The following NSD1 variants were observed in gnomAD, a reference collection of about 807,000 sequenced individuals.
The protein encoded by NSD1 is nuclear receptor binding SET domain protein 1.
NSD1 carries 26 observed loss-of-function variants against 242.7 expected under a neutral mutation model. The ratio of observed to expected loss-of-function variants is 0.11; its 90% CI spans 0.08 to 0.15. The LOEUF (loss-of-function observed/expected upper bound fraction) is 0.15, where lower values mean the gene tolerates loss of function less well. NSD1 is among the 10% of genes least tolerant of loss of function. The pLI, the probability that NSD1 is intolerant of heterozygous loss-of-function variation, is 1.00. For missense variants in NSD1, 2,495 were observed against 3,272.8 expected (o/e 0.76, Z 5.80); for synonymous variants, 1,106 against 1,178.1 (o/e 0.94, Z 1.25).
chr5:177,262,949 G>T (rs1757109453), intron 14 of NSD1, among the ~76,000 whole-genome samples: 1 of 152,208 alleles, frequency 6.6e-6, no homozygotes, highest in Admixed American at 6.5e-5. Flanking sequence ...CACTGAGCCA[G>T]ATTAAATTGT....
chr5:177,277,659 A>G (rs184620148), intron 17 of NSD1, among the ~76,000 whole-genome samples: 71 of 152,312 alleles, frequency 4.7e-4, no homozygotes, highest in African/African-American at 1.6e-3. Context: ...TGATTAAAAC[A>G]TATATTTTCC....
intron 16 of NSD1, among the ~76,000 whole-genome samples, 194 bp downstream of exon 16, chr5:177,270,001 T>C (rs1419920170): frequency 6.6e-6 from 1 of 152,244 alleles, no homozygotes; most frequent in Non-Finnish European, 1.5e-5. Flanking sequence ...AACCTTTACT[T>C]AATTTGAATT....
rs1755974999 is a variant in NSD1, at chr5:177,251,604, C to G, written c.4642-126C>G. ...TAGACTAAAATCTACAACTACGGGC[C>G]CTTGCCTCTTTCTCACCTCCTTTTC... On this transcript the variant is annotated intron_variant, in intron 11 of 22. Transcript: ENST00000439151. 3 of 884,938 alleles carry G rather than the reference C, an allele frequency of 3.4e-6. No homozygotes were observed. The Admixed American group carries it at 6.3e-5, about 19-fold the overall frequency. The allele number at this position is 884,938 out of a possible 1,614,324, so 54.8% of individuals were successfully genotyped here.
intron 2 of NSD1, among the ~76,000 whole-genome samples, chr5:177,141,127 A>G (rs545935562): frequency 2.0e-5 from 3 of 151,716 alleles, no homozygotes; most frequent in Admixed American, 6.6e-5. Context: ...GGTTCAAGCA[A>G]TTCTCTGCCT....
At position 177,133,864 on chromosome 5, in the gene NSD1, C is replaced by T. The variant is rs1756054575; in HGVS notation, c.-106C>T. The T allele has an allele frequency of 6.6e-6, 1 of 150,948 alleles. No individual in the cohort carries two copies. Among genetic ancestry groups the T allele is most frequent in the Admixed American group, 6.6e-5 (1 of 15,214 alleles). 9.4% of individuals were successfully genotyped at this position (150,948 alleles called of 1,614,324 possible). A position where few individuals can be genotyped will look rare whatever the true frequency, so the allele number is the denominator to read the frequency against. On this transcript the variant is annotated 5_prime_UTR_variant, in exon 1 of 23. Coordinates refer to ENST00000439151, the MANE Select transcript of NSD1 (RefSeq NM_022455.5). The surrounding 1 kb of genome is among the most constrained non-coding windows in gnomAD (Gnocchi z 6.2). ...GGGGAGGGGGGTGCGGCGAGCGGCC[C>T]CGCTCTCTCCCCACCGCTCCGCTCG...
chr5:177,292,009 G>A lies in NSD1; in HGVS notation c.6314G>A (p.Gly2105Glu), dbSNP rs1759874616. The A allele has an allele frequency of 1.2e-6, 2 of 1,614,078 alleles. No homozygotes were observed. The highest frequency in any genetic ancestry group is 1.3e-5 in the African/African-American group (1 of 75,054). ...AAGAAATTCAAGAAGAAGCAACAGG[G>A]AAAGCGCAGGACCCAGGGTGAAATC... ...KSKKFKKKQQGKRRTQGEITK... is the reference protein window; with the variant it reads ...KSKKFKKKQQEKRRTQGEITK... The change falls in exon 22 of 23, where the codon GGA becomes GAA. Residue 2105 changes from glycine to glutamate, a missense_variant. Coordinates refer to ENST00000439151, the MANE Select transcript of NSD1 (RefSeq NM_022455.5).
chr5:177,298,378 G>T lies in NSD1; in HGVS notation c.*2919G>T, dbSNP rs1760381745. ...AAGGCAAAAGTTGAAATTCTCCATG[G>T]GTAGCTAGAAAGCCAATACATCTAG... is the stretch of plus-strand genomic sequence containing the variant. On this transcript the variant is annotated 3_prime_UTR_variant, in exon 23 of 23. Transcript: ENST00000439151. The T allele has an allele frequency of 4.3e-6, 1 of 233,166 alleles. No homozygotes were observed. Among genetic ancestry groups the T allele is most frequent in the Non-Finnish European group, 8.5e-6 (1 of 118,004 alleles). The allele number at this position is 233,166 out of a possible 1,614,324, so 14.4% of individuals were successfully genotyped here.
intron 2 of NSD1, among the ~76,000 whole-genome samples, chr5:177,143,309 CTT>C (rs1756971939): frequency 2.0e-5 from 3 of 151,920 alleles, no homozygotes; most frequent in African/African-American, 7.2e-5. Context: ...AACTTTCACT[CTT>C]TTAATTAAGG....
At chr5:177,199,461 T>A (rs1465156488) in intron 3 of NSD1, among the ~76,000 whole-genome samples, 1 of 152,210 alleles carries the variant, frequency 6.6e-6, no homozygotes, top group Non-Finnish European at 1.5e-5. Context: ...CTCCCTGTAT[T>A]GCCCATGCTT....
intron 2 of NSD1, among the ~76,000 whole-genome samples, chr5:177,175,882 T>C (rs1760153950): frequency 6.6e-6 from 1 of 151,646 alleles, no homozygotes; most frequent in South Asian, 2.1e-4. Context: ...AAAAATTCTT[T>C]TTTTTTTTTT....
At chr5:177,132,494 G>A, upstream of NSD1, among the ~76,000 whole-genome samples, 1 of 151,888 alleles carries the variant, frequency 6.6e-6, no homozygotes, top group East Asian at 1.9e-4. This position sits in a 1 kb window ranked among gnomAD's most constrained non-coding sequence, Gnocchi z 7.5. Context: ...CCCTCCCCCG[G>A]CGTTCCCCTC....
chr5:177,165,864 C>G (rs1378008170), intron 2 of NSD1, among the ~76,000 whole-genome samples: 1 of 151,690 alleles, frequency 6.6e-6, no homozygotes, highest in Admixed American at 6.6e-5. Flanking sequence ...CTTGGCCTCC[C>G]GAAGTGGTGG....
intron 3 of NSD1, among the ~76,000 whole-genome samples, chr5:177,193,735 CT>C (rs1217017889): frequency 6.6e-6 from 1 of 152,144 alleles, no homozygotes; most frequent in Non-Finnish European, 1.5e-5. Flanking sequence ...TTCTTCACTC[CT>C]TTCAACAGGC....
At chr5:177,225,975 G>T (rs968460282) in intron 5 of NSD1, among the ~76,000 whole-genome samples, 1 of 152,070 alleles carries the variant, frequency 6.6e-6, no homozygotes, top group Non-Finnish European at 1.5e-5. Context: ...TTTGTACCTT[G>T]ATTTTTTTGT....
At chr5:177,209,230 A>G (rs1763132393) in intron 4 of NSD1, among the ~76,000 whole-genome samples, 1 of 151,860 alleles carries the variant, frequency 6.6e-6, no homozygotes, top group African/African-American at 2.4e-5. Flanking sequence ...CAGGTTTGTA[A>G]AAGCTTCTGA....
chr5:177,241,781 T>C (rs1249573690), intron 8 of NSD1, among the ~76,000 whole-genome samples: 1 of 152,188 alleles, frequency 6.6e-6, no homozygotes. Context: ...GTTGAAGTCC[T>C]GGTTACTCTG....
intron 5 of NSD1, among the ~76,000 whole-genome samples, chr5:177,218,301 G>GC (rs981141885): frequency 1.3e-5 from 2 of 152,034 alleles, no homozygotes; most frequent in Non-Finnish European, 2.9e-5. Flanking sequence ...TCCCACCTTG[G>GC]CCCCCCAAAA....
chr5:177,241,057 T>C (rs1765818634), intron 8 of NSD1, among the ~76,000 whole-genome samples: 1 of 152,172 alleles, frequency 6.6e-6, no homozygotes, highest in Non-Finnish European at 1.5e-5. Flanking sequence ...GTGTGCCCCA[T>C]GGACACAAAG....
chr5:177,209,308 A>T (rs1260467048), intron 4 of NSD1, among the ~76,000 whole-genome samples: 1 of 151,820 alleles, frequency 6.6e-6, no homozygotes, highest in Non-Finnish European at 1.5e-5. Context: ...TGAGCGGATC[A>T]CTTCAGGTCA....
Sources: allele counts gnomAD v4.1 joint callset (sites outside exome capture counted in the v4.1 genomes callset), GRCh38; gene constraint gnomAD v4.1.1; non-coding constraint Gnocchi (gnomAD v3.1); transcripts MANE v1.5; gene names NCBI Gene and HGNC (gene_info 2026-07-23, HGNC 2026-07-21).